IPO5: variants seen among roughly 807,000 people sequenced by gnomAD.
IPO5 encodes the protein importin 5.
Under a neutral mutation model 143.3 loss-of-function variants are expected in IPO5, and 18 were observed. The ratio of observed to expected loss-of-function variants is 0.13; its 90% CI spans 0.09 to 0.19. The LOEUF is 0.19. Among genes scored for constraint, IPO5 ranks in the 10% least tolerant of loss-of-function variants. IPO5 has a pLI of 1.00. For missense variants in IPO5, 1,013 were observed against 1,336.9 expected, an observed-to-expected ratio of 0.76 and a Z score of 3.78; for synonymous variants, 477 against 465.7, an observed-to-expected ratio of 1.02 and a Z score of -0.31.
At chr13:97,980,246 T>C (rs531926013) in intron 4 of IPO5, among the ~76,000 whole-genome samples, 213 of 152,346 alleles carry the variant, frequency 1.4e-3, no homozygotes, top group African/African-American at 4.9e-3. Context: ...TTAACCATTA[T>C]CCTTGACCAT....
chr13:97,957,209 A>G (rs946660764), intron 2 of IPO5, among the ~76,000 whole-genome samples: 1 of 146,960 alleles, frequency 6.8e-6, no homozygotes, highest in African/African-American at 2.5e-5. Context: ...TTTTTTTTCT[A>G]TTTTTTGAGA....
At chr13:97,981,640 G>C (rs1886856070) in intron 4 of IPO5, among the ~76,000 whole-genome samples, 1 of 152,188 alleles carries the variant, frequency 6.6e-6, no homozygotes, top group South Asian at 2.1e-4. Context: ...GATAAGAATG[G>C]ATTATCTATT....
intron 6 of IPO5, among the ~76,000 whole-genome samples, chr13:97,988,327 C>G (rs929290527): frequency 1.3e-5 from 2 of 152,242 alleles, no homozygotes; most frequent in Admixed American, 1.3e-4. Context: ...GATGTCTTCT[C>G]AAGTTCCAAA....
rs148308066 is a variant in IPO5, at chr13:98,020,145, G to C, written c.3065+336G>C. On this transcript the variant is annotated intron_variant, in intron 27 of 28. Coordinates refer to ENST00000651721, the MANE Select transcript of IPO5 (RefSeq NM_002271.6). ...GCAGGTCGCAAACTCTTGGCCTCAA[G>C]AGATCCTCCCACCTCAGCCTCCCAA... is the stretch of plus-strand genomic sequence containing the variant. Among the ~76,000 whole-genome samples the C allele has an allele frequency of 1.5e-3, 229 of 152,290 alleles. 2 individuals carry two copies. The highest frequency in any genetic ancestry group is 5.0e-3 in the African/African-American group (209 of 41,570).
At chr13:97,964,443 C>CTTTTTTTTTT (rs369952371) in intron 2 of IPO5, among the ~76,000 whole-genome samples, 4 of 108,218 alleles carry the variant, frequency 3.7e-5, no homozygotes, top group Admixed American at 1.0e-4. Flanking sequence ...CCATTTCTTT[C>CTTTTTTTTTT]TTTTTTTTTT....
chr13:97,996,136 A>G (rs1434820800), intron 11 of IPO5, among the ~76,000 whole-genome samples: 2 of 152,158 alleles, frequency 1.3e-5, no homozygotes, highest in East Asian at 3.9e-4. Flanking sequence ...CATCCAGGCT[A>G]GAGTGCAGTG....
At chr13:98,000,902 AT>A in intron 13 of IPO5, 2 of 476,602 alleles carry the variant, frequency 4.2e-6, no homozygotes, top group South Asian at 5.9e-5. Context: ...GAATGTTTGA[AT>A]CATATACTCT....
Position 98,020,987 on chromosome 13 carries a change from G to A in IPO5, c.3066-5G>A. 1.9e-6 allele frequency: 3 copies of A among 1,602,712 alleles called. No individual in the cohort carries two copies. Among genetic ancestry groups the A allele is most frequent in the Non-Finnish European group, 2.6e-6 (3 of 1,174,084 alleles). ...ACTTACTAAGGTTTTCTTCTCATTT[G>A]TCAGTAATCATCCAATTGTTCTTGG... On this transcript the variant is annotated splice_region_variant and splice_polypyrimidine_tract_variant and intron_variant, in intron 27 of 28. Transcript: ENST00000651721.
intron 22 of IPO5, among the ~76,000 whole-genome samples, chr13:98,015,261 TGTGTGTGTGTTTTCCATCTTTGA>T (rs1028089734): frequency 6.6e-6 from 1 of 151,814 alleles, no homozygotes; most frequent in Non-Finnish European, 1.5e-5. Context: ...TGTGTGTGTG[TGTGTGTGTGTTTTCCATCTTTGA>T]ATCCTCAGTA....
intron 18 of IPO5, among the ~76,000 whole-genome samples, chr13:98,009,425 G>A (rs1247100424): frequency 2.6e-5 from 4 of 152,136 alleles, no homozygotes; most frequent in Admixed American, 6.5e-5. Flanking sequence ...AAGAGAAAAG[G>A]ATGTTTTGTT....
At chr13:97,966,133 CAAAAAAAAAAAAA>C (rs34256210) in intron 2 of IPO5, among the ~76,000 whole-genome samples, 1 of 89,292 alleles carries the variant, frequency 1.1e-5, no homozygotes, top group Non-Finnish European at 2.1e-5. Context: ...GGCCCCCTCT[CAAAAAAAAAAAAA>C]AAAAAAAAAT....
chr13:97,999,324 G>A (rs1170219692), intron 12 of IPO5, among the ~76,000 whole-genome samples: 2 of 152,132 alleles, frequency 1.3e-5, no homozygotes, highest in Admixed American at 1.3e-4. Flanking sequence ...GTATATGAAA[G>A]TAATCTTTCA....
At chr13:97,969,171 A>ATTTTTTTTTTTTT (rs1566454683) in intron 2 of IPO5, among the ~76,000 whole-genome samples, 5 of 71,224 alleles carry the variant, frequency 7.0e-5, no homozygotes, top group African/African-American at 3.6e-4. Context: ...ATATATATAT[A>ATTTTTTTTTTTTT]TATATTTTTT....
At chr13:97,997,294 G>A (rs566387820) in intron 11 of IPO5, among the ~76,000 whole-genome samples, 2 of 152,234 alleles carry the variant, frequency 1.3e-5, no homozygotes, top group East Asian at 1.9e-4. Context: ...GAATGTAATC[G>A]GATTTGGGAA....
At chr13:98,004,415 G>A (rs901422472) in intron 16 of IPO5, among the ~76,000 whole-genome samples, 3 of 152,196 alleles carry the variant, frequency 2.0e-5, no homozygotes, top group African/African-American at 7.2e-5. Flanking sequence ...AAGGCAGACC[G>A]AGGTGGACCC....
intron 2 of IPO5, among the ~76,000 whole-genome samples, chr13:97,968,670 AG>A (rs2139541307): frequency 1.3e-5 from 2 of 152,246 alleles, no homozygotes; most frequent in East Asian, 3.9e-4. Context: ...TCTAAAATTA[AG>A]AGAGCCATTC....
chr13:98,015,415 A>G, intron 22 of IPO5, 115 bp from the exon 23 acceptor site: 1 of 648,050 alleles, frequency 1.5e-6, no homozygotes, highest in South Asian at 2.0e-5. Flanking sequence ...TATGTAAATA[A>G]TCTTCCAGGA....
At chr13:97,978,261 A>C (rs1199972228) in intron 4 of IPO5, among the ~76,000 whole-genome samples, 1 of 152,136 alleles carries the variant, frequency 6.6e-6, no homozygotes, top group African/African-American at 2.4e-5. Context: ...TGGGCTTATA[A>C]TACTATTTAC....
At chr13:97,968,176 C>G (rs1479693321) in intron 2 of IPO5, among the ~76,000 whole-genome samples, 2 of 152,190 alleles carry the variant, frequency 1.3e-5, no homozygotes, top group African/African-American at 2.4e-5. Flanking sequence ...GCAGTTTAAT[C>G]TCTTGTGAAT....
Sources: gnomAD v4.1 joint callset for allele counts (sites outside exome capture counted in the v4.1 genomes callset) on GRCh38, gnomAD v4.1.1 for gene constraint, MANE v1.5 for transcripts, NCBI Gene and HGNC (gene_info 2026-07-23, HGNC 2026-07-21) for gene names.